Variants in SERINC1 observed in about 807,000 individuals in gnomAD.
SERINC1 encodes tumor differentially expressed protein 2.
SERINC1 carries 38 observed loss-of-function variants against 52.9 expected under a neutral mutation model. The observed-to-expected ratio is 0.72, with a 90% confidence interval of 0.55 to 0.94. SERINC1 has a LOEUF of 0.94. Among genes scored for constraint, SERINC1 ranks in the 40% least tolerant of loss-of-function variants. The pLI is 0.00. For synonymous variants in SERINC1, 198 were observed against 183.1 expected (o/e 1.08, Z -0.66); for missense variants, 471 against 533.9 (o/e 0.88, Z 1.16).
intron 7 of SERINC1, among the ~76,000 whole-genome samples, chr6:122,449,391 AAC>A (rs1774865662): frequency 6.6e-6 from 1 of 152,256 alleles, no homozygotes; most frequent in Non-Finnish European, 1.5e-5. Flanking sequence ...AGTGAACACA[AAC>A]ACACAAATGA....
intron 1 of SERINC1, among the ~76,000 whole-genome samples, chr6:122,460,012 A>G (rs1216682423): frequency 6.6e-6 from 1 of 152,226 alleles, no homozygotes. Context: ...CAGGCAATGT[A>G]AAGCCAGCAA....
At position 122,445,885 on chromosome 6, in the gene SERINC1, A is replaced by AAAAAAAAAAAAAAAAG. The variant is rs1243337495; in HGVS notation, c.1227-722_1227-707dup. On this transcript the variant is annotated intron_variant, in intron 9 of 9. Coordinates refer to ENST00000339697, the MANE Select transcript of SERINC1 (RefSeq NM_020755.4). ...GGTGACAGAGCAAGACTCCATTTCA[A>AAAAAAAAAAAAAAAAG]AAAAAAAAAAAAAAAGAACCAGCTG... Among the ~76,000 whole-genome samples, 4 of 146,386 alleles carry AAAAAAAAAAAAAAAAG rather than the reference A, an allele frequency of 2.7e-5. 1 individual carries two copies. The East Asian group carries it at 7.9e-4, about 29-fold the overall frequency.
intron 7 of SERINC1, among the ~76,000 whole-genome samples, chr6:122,450,331 A>T (rs1774883069): frequency 6.6e-6 from 1 of 152,230 alleles, no homozygotes; most frequent in African/African-American, 2.4e-5. Flanking sequence ...TGTTGAAAGT[A>T]TGGGTTACGG....
At chr6:122,467,650 T>C (rs539021700) in intron 1 of SERINC1, among the ~76,000 whole-genome samples, 22 of 152,138 alleles carry the variant, frequency 1.4e-4, no homozygotes, top group Non-Finnish European at 2.2e-4. Flanking sequence ...ATGTTGTGCA[T>C]GAAAGGAAAA....
intron 1 of SERINC1, among the ~76,000 whole-genome samples, chr6:122,466,345 GC>G (rs1049503218): frequency 2.0e-4 from 30 of 152,182 alleles, no homozygotes; most frequent in African/African-American, 7.2e-4. Flanking sequence ...TGTCGTCCAG[GC>G]TGGAATGTAG....
rs1224299704 is a variant in SERINC1, at chr6:122,451,679, T to C, written c.835A>G (p.Met279Val). 2.4e-6 allele frequency: 3 copies of C among 1,241,928 alleles called. No individual in the cohort carries two copies. Among genetic ancestry groups the C allele is most frequent in the Non-Finnish European group, 3.3e-6 (3 of 905,598 alleles). The allele number at this position is 1,241,928 out of a possible 1,614,324, so 76.9% of individuals were successfully genotyped here. Residue 279 changes from methionine (M) to valine (V), a missense_variant, in exon 7 of 10, where the codon ATG becomes GTG. By Grantham distance (21) the Met-to-Val change is conservative. Transcript: ENST00000339697. Reference protein sequence around the residue: ...VYTMYLTWSAMTNEPETNCNP... With the variant: ...VYTMYLTWSAVTNEPETNCNP... ...TAAAACACACCTGGTTCATTGGTCA[T>C]AGCTGACCATGTCAAATACATTGTG...
Position 122,456,652 on chromosome 6 carries a change from T to C in SERINC1, c.202-2A>G. 1 of 1,567,486 alleles carries C rather than the reference T, an allele frequency of 6.4e-7. No individual in the cohort carries two copies. On this transcript the variant is annotated splice_acceptor_variant, in intron 2 of 9. Coordinates refer to ENST00000339697, the MANE Select transcript of SERINC1 (RefSeq NM_020755.4). LOFTEE classifies it high-confidence loss of function. ...CTCATTCTCACAAAATCCAGGAATC[T>C]AGAAAAACAAAAGAGTTTATGATCC... is the stretch of plus-strand genomic sequence containing the variant.
At chr6:122,451,369 A>T (rs182807309) in intron 7 of SERINC1, among the ~76,000 whole-genome samples, 1 of 152,166 alleles carries the variant, frequency 6.6e-6, no homozygotes, top group Admixed American at 6.5e-5. Context: ...TAAGATAAAC[A>T]AAAGTTTTAT....
intron 1 of SERINC1, among the ~76,000 whole-genome samples, chr6:122,462,011 A>G (rs1775113716): frequency 6.6e-6 from 1 of 152,232 alleles, no homozygotes; most frequent in Non-Finnish European, 1.5e-5. Context: ...ATGAAAGTAT[A>G]TAAAAAGGAT....
intron 1 of SERINC1, among the ~76,000 whole-genome samples, chr6:122,466,333 T>C (rs1212439411): frequency 6.6e-6 from 1 of 152,096 alleles, no homozygotes; most frequent in Non-Finnish European, 1.5e-5. Context: ...AGAGTCTCAC[T>C]CTGTCGTCCA....
chr6:122,459,354 A>G (rs1246329058), intron 1 of SERINC1, among the ~76,000 whole-genome samples: 1 of 152,164 alleles, frequency 6.6e-6, no homozygotes, highest in Non-Finnish European at 1.5e-5. Context: ...TATTCTCATA[A>G]TATCATAACC....
At position 122,462,633 on chromosome 6, in the gene SERINC1, C is replaced by T. The variant is rs73541166; in HGVS notation, c.40-3952G>A. ...AACAAATAAAAACAATAAAAATACCCCACAAAGAACCTACAAAAATGCAAC... is the reference window on the plus strand; with the variant it reads ...AACAAATAAAAACAATAAAAATACCTCACAAAGAACCTACAAAAATGCAAC... On this transcript the variant is annotated intron_variant, in intron 1 of 9. Coordinates refer to ENST00000339697, the MANE Select transcript of SERINC1 (RefSeq NM_020755.4). Among the ~76,000 whole-genome samples the T allele has an allele frequency of 1.8e-3, 267 of 152,040 alleles. 2 individuals carry two copies. The highest frequency in any genetic ancestry group is 5.9e-3 in the African/African-American group (244 of 41,506).
At chr6:122,449,756 C>T (rs1376583632) in intron 7 of SERINC1, among the ~76,000 whole-genome samples, 1 of 152,206 alleles carries the variant, frequency 6.6e-6, no homozygotes, top group Non-Finnish European at 1.5e-5. Context: ...GTTGCTCACG[C>T]CTGTAAGTTC....
chr6:122,454,077 T>C (rs1393439922), intron 4 of SERINC1, 74 bp downstream of exon 4: 6 of 1,193,558 alleles, frequency 5.0e-6, no homozygotes, highest in African/African-American at 4.7e-5. Flanking sequence ...CAAACAATTA[T>C]AGTTCCAGGT....
In SERINC1 at chr6:122,451,547, T is replaced by C. The variant is rs510283; in HGVS notation, c.850+117A>G. The C allele has an allele frequency of 0.68, 242,658 of 358,918 alleles. 82,862 individuals are homozygous for C. The highest frequency in any genetic ancestry group is 0.77 in the South Asian group (17,398 of 22,622). The allele number at this position is 358,918 out of a possible 1,614,324, so 22.2% of individuals were successfully genotyped here. On this transcript the variant is annotated intron_variant, in intron 7 of 9. Transcript: ENST00000339697. ...AATAATACATCAAAGATCAAAACTT[T>C]GTACTTTATTCCTCTAGAAGCCTAA...
chr6:122,461,680 A>C (rs2114487237), intron 1 of SERINC1, among the ~76,000 whole-genome samples: 1 of 152,224 alleles, frequency 6.6e-6, no homozygotes, highest in African/African-American at 2.4e-5. Context: ...AGAATTTTAT[A>C]CTCAGTGAAA....
chr6:122,448,122 A>C (rs1033680387), intron 7 of SERINC1, among the ~76,000 whole-genome samples: 1 of 151,992 alleles, frequency 6.6e-6, no homozygotes, highest in African/African-American at 2.4e-5. Context: ...AAAAAAAAAA[A>C]AGTAGGATTG....
At chr6:122,468,798 G>C (rs1412678984) in intron 1 of SERINC1, among the ~76,000 whole-genome samples, 1 of 151,996 alleles carries the variant, frequency 6.6e-6, no homozygotes, top group Non-Finnish European at 1.5e-5. Context: ...CAAAAATTTA[G>C]GAGGTTGGCA....
rs1774758584 is a variant in SERINC1, at chr6:122,444,970, A to G, written c.*74T>C. 7.5e-6 allele frequency: 11 copies of G among 1,467,672 alleles called. No individual in the cohort carries two copies. The allele number at this position is 1,467,672 out of a possible 1,614,324, so 90.9% of individuals were successfully genotyped here. ...TACATGGGAAGCAAAAACATACACA[A>G]CTTTACAAAAGTTGGGAATACTGTT... is the stretch of plus-strand genomic sequence containing the variant. On this transcript the variant is annotated 3_prime_UTR_variant, in exon 10 of 10. Coordinates refer to ENST00000339697, the MANE Select transcript of SERINC1 (RefSeq NM_020755.4).
Sources: allele counts gnomAD v4.1 joint callset (sites outside exome capture counted in the v4.1 genomes callset), GRCh38; gene constraint gnomAD v4.1.1; transcripts MANE v1.5; gene names NCBI Gene and HGNC (gene_info 2026-07-23, HGNC 2026-07-21).